FAAP100: variants seen among roughly 807,000 people sequenced by gnomAD.
FAAP100 encodes Fanconi anemia core complex-associated protein 100.
A neutral mutation model predicts 65.8 loss-of-function variants in FAAP100; 46 were observed. That is an observed-to-expected ratio of 0.70 (90% CI 0.55 to 0.89). FAAP100 has a LOEUF of 0.89. Among genes scored for constraint, FAAP100 ranks in the 40% least tolerant of loss-of-function variants. The pLI, the probability that FAAP100 is intolerant of heterozygous loss-of-function variation, is 0.00. For missense variants in FAAP100, 1,165 were observed against 1,196.7 expected, an observed-to-expected ratio of 0.97 and a Z score of 0.39; for synonymous variants, 663 against 555.1, an observed-to-expected ratio of 1.19 and a Z score of -2.73.
Position 81,545,381 on chromosome 17 carries a change from C to A in FAAP100, c.2310+365G>T, listed in dbSNP as rs76860530. 7.4e-3 allele frequency among the ~76,000 whole-genome samples: 1,135 copies of A among 152,354 alleles called. 8 individuals carry two copies. The highest frequency in any genetic ancestry group is 0.026 in the African/African-American group (1,092 of 41,586). On this transcript the variant is annotated intron_variant, in intron 6 of 8. Transcript: ENST00000327787. ...GTGCCATTTGCCATTCAGCGGCTTC[C>A]ACGACAGGTCTGGAGCCTTCTGGCA...
chr17:81,541,166 C>A, intron 8 of FAAP100, 143 bp downstream of exon 8: 1 of 1,123,874 alleles, frequency 8.9e-7, no homozygotes, highest in Admixed American at 2.2e-5. Flanking sequence ...GCCATGGCCG[C>A]TCGGACTTTG....
chr17:81,544,754 C>T (rs1037198047), intron 6 of FAAP100, among the ~76,000 whole-genome samples: 42 of 152,318 alleles, frequency 2.8e-4, no homozygotes, highest in African/African-American at 9.6e-4. Flanking sequence ...CAGTCACCTG[C>T]GGCTCTCCCA....
Position 81,540,933 on chromosome 17 carries a change from C to A in FAAP100, c.2532G>T (p.Val844=). The change falls in exon 9 of 9, where the codon GTG becomes GTT. Residue 844 remains valine (V), a synonymous_variant. Transcript: ENST00000327787. The part of the protein sequence containing the change: ...HANHETLLRE[V]QTLRDRLCTE... ...TGCAGAGCCGGTCGCGCAGGGTCTG[C>A]ACCTCCCGCAGCAGTGTCTGCAGGT... The A allele has an allele frequency of 6.3e-7, 1 of 1,588,764 alleles. No individual in the cohort carries two copies. Among genetic ancestry groups the A allele is most frequent in the Non-Finnish European group, 8.5e-7 (1 of 1,171,456 alleles).
chr17:81,546,649 C>G, intron 5 of FAAP100: 1 of 383,084 alleles, frequency 2.6e-6, no homozygotes, highest in Non-Finnish European at 4.6e-6. Context: ...GCTGGGGGGC[C>G]AGGATGCCCC....
At chr17:81,544,445 G>C (rs1046771973) in intron 6 of FAAP100, among the ~76,000 whole-genome samples, 4 of 152,220 alleles carry the variant, frequency 2.6e-5, no homozygotes, top group African/African-American at 9.6e-5. Flanking sequence ...GGCCACTACT[G>C]TGACACACCT....
At chr17:81,549,132 C>A (rs116012183) in intron 4 of FAAP100, 74 bp downstream of exon 4, 1 of 1,559,838 alleles carries the variant, frequency 6.4e-7, no homozygotes, top group Non-Finnish European at 8.7e-7. Context: ...ACACCCAGGA[C>A]GACCCCACAC....
chr17:81,551,947 C>G lies in FAAP100; in HGVS notation c.271G>C (p.Asp91His). 1 of 1,561,592 alleles carries G rather than the reference C, an allele frequency of 6.4e-7. No homozygotes were observed. ...ARRGLYCLSL[D>H]HPGRSRSTSQ... The stretch of plus-strand genomic sequence containing the variant: ...CCTCACCTGCTCCTGCCCGGGTGGT[C>G]CAGCGACAGGCAGTAGAGGCCCCTC... The change falls in exon 2 of 9, where the codon GAC becomes CAC. Residue 91 changes from aspartate (D) to histidine (H), a missense_variant. Physicochemically the swap from Asp to His is moderately conservative, Grantham distance 81. Transcript: ENST00000327787.
At chr17:81,545,943 C>T in intron 5 of FAAP100, 61 bp from the exon 6 acceptor site, 1 of 1,551,756 alleles carries the variant, frequency 6.4e-7, no homozygotes, top group Non-Finnish European at 8.7e-7. Context: ...TCAGCCGATC[C>T]TACCAGGTGG....
rs1039768230 is a variant in FAAP100 at position 81,546,117 on chromosome 17, C to A, written c.2174-235G>T. Among the ~76,000 whole-genome samples the A allele has an allele frequency of 5.3e-5, 8 of 152,236 alleles. No homozygotes were observed. The East Asian group carries it at 1.3e-3, about 26-fold the overall frequency. ...GTCCTACGTTGGGTGGTGGCAGTTA[C>A]GATCTGTGGAAGGTGAAAACCTCAC... On this transcript the variant is annotated intron_variant, in intron 5 of 8. Coordinates refer to ENST00000327787, the MANE Select transcript of FAAP100 (RefSeq NM_025161.6).
intron 7 of FAAP100, among the ~76,000 whole-genome samples, chr17:81,543,415 G>A (rs2033188609): frequency 6.6e-6 from 1 of 152,224 alleles, no homozygotes; most frequent in African/African-American, 2.4e-5. Context: ...GGGCGTGACG[G>A]ATGCCTTCCC....
intron 6 of FAAP100, among the ~76,000 whole-genome samples, chr17:81,544,907 G>A (rs536172371): frequency 1.1e-4 from 17 of 152,212 alleles, no homozygotes; most frequent in African/African-American, 3.9e-4. Context: ...AGTGGCTCAC[G>A]CCTGTAATCC....
chr17:81,552,065 G>C lies in FAAP100; in HGVS notation c.166-13C>G, dbSNP rs756860172. 2 of 1,498,034 alleles carry C rather than the reference G, an allele frequency of 1.3e-6. No individual in the cohort carries two copies. The highest frequency in any genetic ancestry group is 2.6e-5 in the South Asian group (2 of 78,254). The allele number at this position is 1,498,034 out of a possible 1,614,324, so 92.8% of individuals were successfully genotyped here. On this transcript the variant is annotated splice_polypyrimidine_tract_variant and intron_variant, in intron 1 of 8. Transcript: ENST00000327787. ...ACCGGAACGCCGCCTGCGGACCGGG[G>C]CGCGGGTCAGGCCGACGCGACGCGC...
At chr17:81,548,056 T>C (rs1359956173) in intron 4 of FAAP100, 1 of 671,078 alleles carries the variant, frequency 1.5e-6, no homozygotes, top group Non-Finnish European at 2.7e-6. Context: ...CCCAGAATGT[T>C]CCTAGTGGGC....
chr17:81,541,241 G>C, intron 8 of FAAP100, 68 bp downstream of exon 8: 4 of 1,483,520 alleles, frequency 2.7e-6, no homozygotes, highest in Non-Finnish European at 3.7e-6. Context: ...GTGACTAGAG[G>C]GGGGCCTGGC....
In FAAP100 at chr17:81,547,020, T is replaced by C; in HGVS notation, c.2062A>G (p.Ser688Gly). Residue 688 changes from serine (S) to glycine (G), a missense_variant, in exon 5 of 9, where the codon AGC (serine) becomes GGC (glycine). Coordinates refer to ENST00000327787, the MANE Select transcript of FAAP100 (RefSeq NM_025161.6). ...AGGGAGGCGGGTCCTGCTGGCTGGC[T>C]GCCAGGCTCCCGACAAGTTTCCAGA... ...TFLETCREPG[S>G]QPAGPASLRA... 1 of 1,544,280 alleles carries C rather than the reference T, an allele frequency of 6.5e-7. No homozygotes were observed.
At chr17:81,545,532 G>A (rs2033267726) in intron 6 of FAAP100, among the ~76,000 whole-genome samples, 1 of 152,242 alleles carries the variant, frequency 6.6e-6, no homozygotes, top group African/African-American at 2.4e-5. Context: ...GATGGACAGG[G>A]CCAGTCCTCG....
chr17:81,545,084 C>T (rs1221065599), intron 6 of FAAP100, among the ~76,000 whole-genome samples: 1 of 152,200 alleles, frequency 6.6e-6, no homozygotes, highest in Admixed American at 6.5e-5. Flanking sequence ...GCAGGAGAAT[C>T]GCTTGAACCC....
chr17:81,544,239 C>A, intron 6 of FAAP100, 119 bp from the exon 7 acceptor site: 1 of 779,550 alleles, frequency 1.3e-6, no homozygotes, highest in Non-Finnish European at 2.1e-6. Context: ...GGTCCCAACC[C>A]CCTGCCCTGG....
At position 81,551,308 on chromosome 17, in the gene FAAP100, T is replaced by C. The variant is rs2033486609; in HGVS notation, c.291-105A>G. 2.5e-6 allele frequency: 3 copies of C among 1,187,584 alleles called. No individual in the cohort carries two copies. In the East Asian group the frequency reaches 7.9e-5, roughly 31 times the overall value. 73.6% of individuals were successfully genotyped at this position (1,187,584 alleles called of 1,614,324 possible). A position where few individuals can be genotyped will look rare whatever the true frequency, so the allele number is the denominator to read the frequency against. On this transcript the variant is annotated intron_variant, in intron 2 of 8. Transcript: ENST00000327787. ...TAGTCTGGCTCAGGGGTTCCCGCAG[T>C]GACCCCCAAGGCCGCTCAGCAGTCC...
Sources: gnomAD v4.1 joint callset for allele counts (sites outside exome capture counted in the v4.1 genomes callset) on GRCh38, gnomAD v4.1.1 for gene constraint, MANE v1.5 for transcripts, NCBI Gene and HGNC (gene_info 2026-07-23, HGNC 2026-07-21) for gene names.